ADD1: variants seen among roughly 807,000 people sequenced by gnomAD.
ADD1 encodes alpha-adducin.
In ADD1, 24 loss-of-function variants were observed where a neutral mutation model predicts 80.5. That is an observed-to-expected ratio of 0.30 (90% CI 0.22 to 0.42). The LOEUF is 0.42. Ranked by LOEUF, ADD1 falls within the 10% of genes least tolerant of loss-of-function variation. ADD1 has a pLI of 1.00. For missense variants in ADD1, 948 were observed against 1,019.0 expected (o/e 0.93, Z 0.95); for synonymous variants, 373 against 393.8 (o/e 0.95, Z 0.63).
At chr4:2,901,934 T>C (rs949584312) in intron 9 of ADD1, 1 of 151,546 alleles carries the variant, frequency 6.6e-6, no homozygotes, top group Non-Finnish European at 1.5e-5. Context: ...CTTTTTTTTT[T>C]TGGAGAGACA....
chr4:2,846,005 C>T (rs2108764610), intron 1 of ADD1, among the ~76,000 whole-genome samples: 1 of 152,292 alleles, frequency 6.6e-6, no homozygotes, highest in African/African-American at 2.4e-5. Context: ...CCCCGCAGTC[C>T]TAGATATCCT....
intron 2 of ADD1, among the ~76,000 whole-genome samples, chr4:2,876,895 G>T (rs896479395): frequency 6.6e-6 from 1 of 151,818 alleles, no homozygotes; most frequent in Non-Finnish European, 1.5e-5. Flanking sequence ...CCAGCTACTC[G>T]GGCGGCTGAG....
chr4:2,899,242 T>C lies in ADD1; in HGVS notation c.985-17T>C. 1 of 1,598,848 alleles carries C rather than the reference T, an allele frequency of 6.3e-7. No homozygotes were observed. The highest frequency in any genetic ancestry group is 8.5e-7 in the Non-Finnish European group (1 of 1,169,878). On this transcript the variant is annotated splice_polypyrimidine_tract_variant and intron_variant, in intron 8 of 15. Transcript: ENST00000683351. The stretch of plus-strand genomic sequence containing the variant: ...TCAGTAAGGAACTCAAGCCATGCTG[T>C]GTGTGTTTTGGAAAAGGTTCGAACT...
At chr4:2,898,054 A>G (rs1735552820) in intron 6 of ADD1, 130 bp from the exon 7 acceptor site, 1 of 1,238,978 alleles carries the variant, frequency 8.1e-7, no homozygotes, top group Non-Finnish European at 1.1e-6. Context: ...AAGTTCATAG[A>G]TTGATTTTCA....
At chr4:2,911,464 T>TTTTTTTA (rs397958314) in intron 13 of ADD1, among the ~76,000 whole-genome samples, 1 of 145,436 alleles carries the variant, frequency 6.9e-6, no homozygotes, top group African/African-American at 2.6e-5. Flanking sequence ...TTTTTTTTTT[T>TTTTTTTA]GAGACAGGGT....
At position 2,894,516 on chromosome 4, in the gene ADD1, A is replaced by G. The variant is rs1734838850; in HGVS notation, c.592-66A>G. On this transcript the variant is annotated intron_variant, in intron 5 of 15. Transcript: ENST00000683351. Reference sequence around the variant, plus strand: ...ACAGAGCCAGACCCTATCAAAAAAAAAAAAAAAAAGAAAAGAAAAAATGAA... The same window carrying G: ...ACAGAGCCAGACCCTATCAAAAAAAGAAAAAAAAAGAAAAGAAAAAATGAA... 10 of 1,481,862 alleles carry G rather than the reference A, an allele frequency of 6.7e-6. No homozygotes were observed. The African/African-American group carries it at 1.0e-4, about 15-fold the overall frequency. 91.8% of individuals were successfully genotyped at this position (1,481,862 alleles called of 1,614,324 possible). A position where few individuals can be genotyped will look rare whatever the true frequency, so the allele number is the denominator to read the frequency against.
At chr4:2,880,463 C>CTT (rs1167878841) in intron 2 of ADD1, among the ~76,000 whole-genome samples, 1,124 of 63,144 alleles carry the variant, frequency 0.018, 118 homozygotes, top group Middle Eastern at 0.04. Context: ...TTCTTTCTTT[C>CTT]TTTTTTTTTT....
chr4:2,864,895 A>G (rs1729322641), intron 1 of ADD1, among the ~76,000 whole-genome samples: 1 of 151,950 alleles, frequency 6.6e-6, no homozygotes, highest in African/African-American at 2.4e-5. Flanking sequence ...ATTGTGCCTC[A>G]CTTGTTTTAT....
Position 2,881,996 on chromosome 4 carries a change from G to A in ADD1, c.294G>A (p.Met98Ile). ...CATTACAGCAGATTGCAGATTTTAT[G>A]ACCACGAATGTACCAAATGTCTACC... is the stretch of plus-strand genomic sequence containing the variant. ...LLALQQIADFMTTNVPNVYPA... is the reference protein window; with the variant it reads ...LLALQQIADFITTNVPNVYPA... Residue 98 changes from methionine to isoleucine, a missense_variant, in exon 3 of 16, where the codon ATG becomes ATA. Coordinates refer to ENST00000683351, the MANE Select transcript of ADD1 (RefSeq NM_001354761.2). The A allele has an allele frequency of 6.2e-7, 1 of 1,613,300 alleles. No homozygotes were observed. Among genetic ancestry groups the A allele is most frequent in the Non-Finnish European group, 8.5e-7 (1 of 1,179,806 alleles).
chr4:2,909,697 C>T (rs1333213591), intron 13 of ADD1, among the ~76,000 whole-genome samples: 1 of 152,092 alleles, frequency 6.6e-6, no homozygotes, highest in African/African-American at 2.4e-5. Context: ...TGCATTTCTG[C>T]AGTTCCGCAC....
chr4:2,909,270 C>T, intron 12 of ADD1, 69 bp from the exon 13 acceptor site: 2 of 1,338,466 alleles, frequency 1.5e-6, no homozygotes, highest in Non-Finnish European at 2.1e-6. Flanking sequence ...CCAGCTCCAT[C>T]CTGTGCTCTC....
intron 2 of ADD1, among the ~76,000 whole-genome samples, chr4:2,880,639 C>A (rs1732149586): frequency 6.6e-6 from 1 of 151,532 alleles, no homozygotes; most frequent in Non-Finnish European, 1.5e-5. Context: ...CCACGCCTGG[C>A]TTATTTTTTG....
Position 2,875,984 on chromosome 4 carries a change from G to T in ADD1, c.69G>T (p.Arg23Ser), listed in dbSNP as rs1171127579. 2 of 1,614,108 alleles carry T rather than the reference G, an allele frequency of 1.2e-6. No homozygotes were observed. Among genetic ancestry groups the T allele is most frequent in the East Asian group, 2.2e-5 (1 of 44,880 alleles). Residue 23 changes from arginine to serine, a missense_variant, in exon 2 of 16, where the codon AGG (arginine) becomes AGT (serine). Coordinates refer to ENST00000683351, the MANE Select transcript of ADD1 (RefSeq NM_001354761.2). ...PPPTTAPHKE[R>S]YFDRVDENNP... ...CGACCACAGCCCCTCACAAGGAGAG[G>T]TACTTCGACCGAGTAGATGAGAACA...
At chr4:2,910,948 C>T (rs148427186) in intron 13 of ADD1, among the ~76,000 whole-genome samples, 1 of 152,282 alleles carries the variant, frequency 6.6e-6, no homozygotes, top group East Asian at 1.9e-4. Context: ...TACTTTTGCA[C>T]CCTTGATCTT....
At chr4:2,866,780 C>A (rs576307583) in intron 1 of ADD1, among the ~76,000 whole-genome samples, 12 of 152,084 alleles carry the variant, frequency 7.9e-5, no homozygotes, top group African/African-American at 2.7e-4. Flanking sequence ...ATTGTGAGAC[C>A]TCTGAAGCTT....
chr4:2,926,308 T>C lies in ADD1; in HGVS notation c.2047+196T>C. 1 of 720,054 alleles carries C rather than the reference T, an allele frequency of 1.4e-6. No homozygotes were observed. The highest frequency in any genetic ancestry group is 2.7e-5 in the East Asian group (1 of 37,122). The allele number at this position is 720,054 out of a possible 1,614,324, so 44.6% of individuals were successfully genotyped here. ...AGGCAAAACAGATTTGTATGTGAGCTGTGACCAGGTAGGAAGGCCGGCCTC... is the reference window on the plus strand; with the variant it reads ...AGGCAAAACAGATTTGTATGTGAGCCGTGACCAGGTAGGAAGGCCGGCCTC... On this transcript the variant is annotated intron_variant, in intron 15 of 15. Coordinates refer to ENST00000683351, the MANE Select transcript of ADD1 (RefSeq NM_001354761.2). This position sits in a 1 kb window ranked among gnomAD's most constrained non-coding sequence, Gnocchi z 5.0.
intron 2 of ADD1, among the ~76,000 whole-genome samples, chr4:2,876,808 C>T (rs1047529148): frequency 1.3e-5 from 2 of 150,442 alleles, no homozygotes; most frequent in African/African-American, 2.5e-5. Context: ...CACTGCACTT[C>T]AGCCTGGGTG....
In ADD1 at chr4:2,894,113, T is replaced by G; in HGVS notation, c.591+20T>G. 1 of 1,598,602 alleles carries G rather than the reference T, an allele frequency of 6.3e-7. No individual in the cohort carries two copies. The highest frequency in any genetic ancestry group is 8.6e-7 in the Non-Finnish European group (1 of 1,165,932). ...AGTTTGGTAAGAATGTCCTTCTCTT[T>G]GGCAGCTTGTATGTGCAGGTCATGT... On this transcript the variant is annotated intron_variant, in intron 5 of 15. Coordinates refer to ENST00000683351, the MANE Select transcript of ADD1 (RefSeq NM_001354761.2).
chr4:2,907,873 G>T (rs1320162864), intron 11 of ADD1, 29 bp downstream of exon 11: 1 of 1,585,720 alleles, frequency 6.3e-7, no homozygotes. Flanking sequence ...CTCAGCGGGG[G>T]CTTGGGTGTG....
Sources: allele counts gnomAD v4.1 joint callset (sites outside exome capture counted in the v4.1 genomes callset), GRCh38; gene constraint gnomAD v4.1.1; non-coding constraint Gnocchi (gnomAD v3.1); transcripts MANE v1.5; gene names NCBI Gene and HGNC (gene_info 2026-07-23, HGNC 2026-07-21).